The following KIAA1958 variants were observed in gnomAD, a reference collection of about 807,000 sequenced individuals.
The protein encoded by KIAA1958 is KIAA1958.
KIAA1958 carries 14 observed loss-of-function variants against 47.2 expected under a neutral mutation model. The ratio of observed to expected loss-of-function variants is 0.30; its 90% confidence interval spans 0.20 to 0.46. The LOEUF is 0.46. KIAA1958 is among the 20% of genes least tolerant of loss of function. The probability of loss-of-function intolerance (pLI) is 1.00; values close to 1 mark genes in which losing one functional copy is unlikely to be tolerated. For synonymous variants in KIAA1958, 354 were observed against 353.3 expected, an observed-to-expected ratio of 1.00 and a Z score of -0.02; for missense variants, 803 against 909.2, an observed-to-expected ratio of 0.88 and a Z score of 1.50.
At chr9:112,554,275 G>A (rs1027593319) in intron 1 of KIAA1958, among the ~76,000 whole-genome samples, 3 of 152,170 alleles carry the variant, frequency 2.0e-5, no homozygotes, top group Non-Finnish European at 4.4e-5. Context: ...CGAGGCGGGC[G>A]GATCACGAGG....
intron 2 of KIAA1958, among the ~76,000 whole-genome samples, chr9:112,637,508 A>G (rs1588049711): frequency 6.6e-6 from 1 of 151,828 alleles, no homozygotes. Flanking sequence ...CTCCTTAGTA[A>G]CTGGGATTAC....
chr9:112,510,285 T>C (rs1834302574), intron 1 of KIAA1958, among the ~76,000 whole-genome samples: 1 of 152,174 alleles, frequency 6.6e-6, no homozygotes, highest in Admixed American at 6.5e-5. Context: ...GTGAATCAGA[T>C]GTCATAGTGA....
intron 2 of KIAA1958, among the ~76,000 whole-genome samples, chr9:112,598,522 C>T (rs1489374829): frequency 6.6e-6 from 1 of 152,128 alleles, no homozygotes. Context: ...AGGGAATTCT[C>T]AGTAGCTAAA....
At chr9:112,632,404 A>T (rs1836725618) in intron 2 of KIAA1958, among the ~76,000 whole-genome samples, 2 of 151,794 alleles carry the variant, frequency 1.3e-5, no homozygotes, top group African/African-American at 4.8e-5. Flanking sequence ...ATCTTTGTTC[A>T]TTTATCTTTG....
intron 1 of KIAA1958, among the ~76,000 whole-genome samples, chr9:112,491,499 A>C (rs1833968167): frequency 6.6e-6 from 1 of 151,952 alleles, no homozygotes; most frequent in African/African-American, 2.4e-5. Flanking sequence ...AGCTCCAGAG[A>C]TAGGACAAAA....
intron 3 of KIAA1958, among the ~76,000 whole-genome samples, chr9:112,648,029 A>G (rs2131245200): frequency 6.6e-6 from 1 of 152,374 alleles, no homozygotes. Context: ...ACATGGGAAC[A>G]TGTGACTCAT....
rs181137739 is a variant in KIAA1958 at position 112,530,136 on chromosome 9, T to C, written c.-25+43018T>C. 5.3e-3 allele frequency among the ~76,000 whole-genome samples: 800 copies of C among 152,294 alleles called. 6 individuals carry two copies. Among genetic ancestry groups the C allele is most frequent in the African/African-American group, 0.018 (753 of 41,578 alleles). The stretch of plus-strand genomic sequence containing the variant: ...GGGATTACAGGCGTGAGCCACCACA[T>C]CCGGCCTAGACTCCACTTTCTTGAG... On this transcript the variant is annotated intron_variant, in intron 1 of 3. Coordinates refer to ENST00000337530, the MANE Select transcript of KIAA1958 (RefSeq NM_133465.4).
At chr9:112,579,851 T>C (rs550216125) in intron 2 of KIAA1958, among the ~76,000 whole-genome samples, 3 of 152,188 alleles carry the variant, frequency 2.0e-5, no homozygotes, top group African/African-American at 7.2e-5. Context: ...AAAATCTGAG[T>C]TGAAATAAGT....
At chr9:112,540,740 G>A (rs1346901944) in intron 1 of KIAA1958, among the ~76,000 whole-genome samples, 2 of 149,488 alleles carry the variant, frequency 1.3e-5, no homozygotes, top group East Asian at 3.9e-4. Flanking sequence ...TTTGAGACGG[G>A]GTGTCATTCT....
At chr9:112,576,860 A>G (rs1374180761) in intron 2 of KIAA1958, among the ~76,000 whole-genome samples, 1 of 152,070 alleles carries the variant, frequency 6.6e-6, no homozygotes, top group Non-Finnish European at 1.5e-5. Context: ...GTAACTACCT[A>G]GGAGTGGAAT....
At chr9:112,508,899 A>G (rs1477580822) in intron 1 of KIAA1958, among the ~76,000 whole-genome samples, 1 of 152,196 alleles carries the variant, frequency 6.6e-6, no homozygotes, top group African/African-American at 2.4e-5. Context: ...TTTATAGGCC[A>G]TTCACTAATA....
intron 2 of KIAA1958, among the ~76,000 whole-genome samples, chr9:112,587,420 G>A (rs7874757): frequency 7.2e-5 from 11 of 152,220 alleles, no homozygotes; most frequent in African/African-American, 2.7e-4. Flanking sequence ...AAAGTGCTGG[G>A]ATTACAGGCA....
chr9:112,567,595 G>A (rs568143207), intron 1 of KIAA1958, among the ~76,000 whole-genome samples: 1 of 152,170 alleles, frequency 6.6e-6, no homozygotes, highest in South Asian at 2.1e-4. Context: ...AAACAACCAC[G>A]AGCACCATAC....
intron 1 of KIAA1958, among the ~76,000 whole-genome samples, chr9:112,510,257 G>T (rs1834302044): frequency 6.6e-6 from 1 of 152,138 alleles, no homozygotes; most frequent in South Asian, 2.1e-4. Flanking sequence ...TACTTCCTAG[G>T]GTGGTTGTGA....
chr9:112,632,371 TCTC>T (rs747822181), intron 2 of KIAA1958, among the ~76,000 whole-genome samples: 48 of 152,130 alleles, frequency 3.2e-4, no homozygotes, highest in Non-Finnish European at 5.6e-4. Flanking sequence ...TAATTATTCA[TCTC>T]CTAATGGGTT....
intron 2 of KIAA1958, among the ~76,000 whole-genome samples, chr9:112,632,534 T>C (rs1836728322): frequency 6.6e-6 from 1 of 152,182 alleles, no homozygotes; most frequent in African/African-American, 2.4e-5. Flanking sequence ...CATTTAGATA[T>C]GGACCTTTTT....
intron 1 of KIAA1958, among the ~76,000 whole-genome samples, chr9:112,530,406 G>A (rs998019771): frequency 1.3e-5 from 2 of 152,008 alleles, no homozygotes; most frequent in Middle Eastern, 3.2e-3. Context: ...GGTACTATTA[G>A]GTGCTCAAGT....
chr9:112,544,582 C>T (rs1049043376), intron 1 of KIAA1958, among the ~76,000 whole-genome samples: 6 of 152,156 alleles, frequency 3.9e-5, no homozygotes, highest in African/African-American at 1.2e-4. Context: ...AGGGGGCAGC[C>T]CCCAGTTGCT....
At chr9:112,637,515 T>C (rs78978818) in intron 2 of KIAA1958, among the ~76,000 whole-genome samples, 11,816 of 152,046 alleles carry the variant, frequency 0.078, 1,526 homozygotes, top group African/African-American at 0.27. Context: ...GTAACTGGGA[T>C]TACAGGTGCC....
Sources: allele counts gnomAD v4.1 joint callset (sites outside exome capture counted in the v4.1 genomes callset), GRCh38; gene constraint gnomAD v4.1.1; transcripts MANE v1.5; gene names NCBI Gene and HGNC (gene_info 2026-07-23, HGNC 2026-07-21).